LRRK2: variants seen among roughly 807,000 people sequenced by gnomAD.
LRRK2 encodes the protein leucine rich repeat kinase 2.
A neutral mutation model predicts 302.6 loss-of-function variants in LRRK2; 203 were observed. The ratio of observed to expected loss-of-function variants is 0.67; its 90% CI spans 0.60 to 0.75. LRRK2 has a LOEUF of 0.75. Among genes scored for constraint, LRRK2 ranks in the 30% least tolerant of loss-of-function variants. The pLI is 0.00. For missense variants in LRRK2, 2,830 were observed against 2,951.0 expected, an observed-to-expected ratio of 0.96 and a Z score of 0.95; for synonymous variants, 1,066 against 1,031.9, an observed-to-expected ratio of 1.03 and a Z score of -0.63.
At chr12:40,236,034 C>T in intron 4 of LRRK2, among the ~76,000 whole-genome samples, 1 of 152,058 alleles carries the variant, frequency 6.6e-6, no homozygotes, top group Non-Finnish European at 1.5e-5. Context: ...CCCCAAATCT[C>T]TGTTGGTAGT....
chr12:40,333,271 C>T (rs1945770005), intron 39 of LRRK2, among the ~76,000 whole-genome samples: 2 of 152,152 alleles, frequency 1.3e-5, no homozygotes, highest in African/African-American at 2.4e-5. Context: ...AAAATCCCCT[C>T]TCAGGGTGTT....
intron 4 of LRRK2, among the ~76,000 whole-genome samples, chr12:40,236,974 A>T (rs1164464245): frequency 4.6e-5 from 7 of 152,270 alleles, no homozygotes; most frequent in East Asian, 3.9e-4. Flanking sequence ...ATACAGTACT[A>T]CTACTCCTAT....
At chr12:40,270,886 A>C (rs1337912292) in intron 14 of LRRK2, among the ~76,000 whole-genome samples, 1 of 152,092 alleles carries the variant, frequency 6.6e-6, no homozygotes, top group Non-Finnish European at 1.5e-5. Context: ...GGCATGAAAA[A>C]AAGCCTGTGG....
intron 2 of LRRK2, 29 bp downstream of exon 2, chr12:40,225,669 T>G (rs200042985): frequency 6.4e-7 from 1 of 1,568,024 alleles, no homozygotes; most frequent in Non-Finnish European, 8.8e-7. Context: ...CTTCAACTCA[T>G]TCTCCCTTCT....
intron 41 of LRRK2, among the ~76,000 whole-genome samples, chr12:40,345,582 C>T (rs958896554): frequency 1.4e-5 from 2 of 145,518 alleles, no homozygotes; most frequent in African/African-American, 2.6e-5. Flanking sequence ...AAGATCACAC[C>T]CCTGCACTCC....
At chr12:40,229,630 C>T (rs1369610750) in intron 2 of LRRK2, among the ~76,000 whole-genome samples, 1 of 152,174 alleles carries the variant, frequency 6.6e-6, no homozygotes, top group East Asian at 1.9e-4. Context: ...TCCTGTTGTG[C>T]ATTAATTACA....
chr12:40,367,174 T>C, intron 50 of LRRK2, 97 bp downstream of exon 50: 1 of 1,023,062 alleles, frequency 9.8e-7, no homozygotes, highest in Non-Finnish European at 1.5e-6. Context: ...ATATTACATA[T>C]GGTATAATCA....
In LRRK2 at chr12:40,296,658, G is replaced by A. The variant is rs115670296; in HGVS notation, c.3096+1014G>A. Among the ~76,000 whole-genome samples, 827 of 151,964 alleles carry A rather than the reference G, an allele frequency of 5.4e-3. 12 individuals are homozygous for A. The highest frequency in any genetic ancestry group is 0.019 in the African/African-American group (787 of 41,452). On this transcript the variant is annotated intron_variant, in intron 23 of 50. Transcript: ENST00000298910. ...AAAAAAAAAAAGTCTTGTTGCAAAT[G>A]CATTTCCCCCTTTTTAAGCCTAAAA...
At chr12:40,335,831 G>A (rs1303048791) in intron 40 of LRRK2, among the ~76,000 whole-genome samples, 1 of 152,082 alleles carries the variant, frequency 6.6e-6, no homozygotes, top group African/African-American at 2.4e-5. Context: ...CTCTGCCATT[G>A]CTCCCCAACC....
chr12:40,292,769 T>C (rs1179377619), intron 20 of LRRK2, among the ~76,000 whole-genome samples: 5 of 151,948 alleles, frequency 3.3e-5, no homozygotes, highest in African/African-American at 1.2e-4. Context: ...TTTAAAATCA[T>C]AATTAATTTT....
intron 28 of LRRK2, among the ~76,000 whole-genome samples, chr12:40,307,749 T>C (rs2136807769): frequency 6.6e-6 from 1 of 151,150 alleles, no homozygotes; most frequent in African/African-American, 2.4e-5. Context: ...TTGAACTTTA[T>C]AATTTATAGG....
intron 31 of LRRK2, 31 bp from the exon 32 acceptor site, chr12:40,313,940 AT>A (rs1945118074): frequency 1.3e-6 from 2 of 1,595,438 alleles, no homozygotes; most frequent in Non-Finnish European, 1.7e-6. Context: ...AATAAAATAG[AT>A]TTTTACGGCT....
In LRRK2 at chr12:40,305,129, ATTTG is replaced by A. The variant is rs1170086248; in HGVS notation, c.3778-650_3778-647del. 2.6e-5 allele frequency among the ~76,000 whole-genome samples: 4 copies of A among 152,168 alleles called. No homozygotes were observed. The South Asian group carries it at 6.2e-4, about 24-fold the overall frequency. On this transcript the variant is annotated intron_variant, in intron 27 of 50. Coordinates refer to ENST00000298910, the MANE Select transcript of LRRK2 (RefSeq NM_198578.4). ...CTCTGTTGTAAATCTGAAATTGATA[ATTTG>A]TTTGTCTCAGAAAATATTATTTTTC...
At chr12:40,348,144 G>A (rs1339734353) in intron 42 of LRRK2, among the ~76,000 whole-genome samples, 1 of 152,074 alleles carries the variant, frequency 6.6e-6, no homozygotes, top group Non-Finnish European at 1.5e-5. Flanking sequence ...TTGAAATGCA[G>A]GTACAGAATG....
At chr12:40,287,572 T>TA in intron 20 of LRRK2, 33 bp downstream of exon 20, 1 of 1,598,460 alleles carries the variant, frequency 6.3e-7, no homozygotes, top group Non-Finnish European at 8.6e-7. Context: ...CTTTATGCTT[T>TA]ATATTTACAC....
chr12:40,319,615 A>G (rs1171232381), intron 33 of LRRK2, among the ~76,000 whole-genome samples: 1 of 152,068 alleles, frequency 6.6e-6, no homozygotes, highest in African/African-American at 2.4e-5. Flanking sequence ...TCAAACCTGT[A>G]TTGATAACTG....
chr12:40,295,671 T>C (rs2136721531), intron 23 of LRRK2, 27 bp downstream of exon 23: 4 of 1,596,436 alleles, frequency 2.5e-6, no homozygotes, highest in Middle Eastern at 3.3e-4. Flanking sequence ...CTTGTAACTT[T>C]CAAGACATTT....
chr12:40,226,452 G>A, intron 2 of LRRK2, among the ~76,000 whole-genome samples: 1 of 152,140 alleles, frequency 6.6e-6, no homozygotes, highest in East Asian at 1.9e-4. Flanking sequence ...CTCCTTGGAG[G>A]TGCAGTCAGA....
chr12:40,287,429 G>A lies in LRRK2; in HGVS notation c.2579G>A (p.Ser860Asn), dbSNP rs747546304. 11 of 1,612,648 alleles carry A rather than the reference G, an allele frequency of 6.8e-6. No homozygotes were observed. Among genetic ancestry groups the A allele is most frequent in the East Asian group, 2.2e-5 (1 of 44,860 alleles). ...GTGGAAGAAGGAACAGCCTCAGGCA[G>A]CGATGGAAATTTTTCTGAAGATGTG... is the stretch of plus-strand genomic sequence containing the variant. The part of the protein sequence containing the change: ...SAVEEGTASG[S>N]DGNFSEDVLS... Residue 860 changes from serine to asparagine, a missense_variant, in exon 20 of 51, where the codon AGC (serine) becomes AAC (asparagine). By Grantham distance (46) the Ser-to-Asn change is conservative (BLOSUM62 1). This residue lies in a region of LRRK2 where 2,121 missense variants were observed against 2,148.0 expected (regional missense o/e 0.99). Coordinates refer to ENST00000298910, the MANE Select transcript of LRRK2 (RefSeq NM_198578.4).
Sources: allele counts gnomAD v4.1 joint callset (sites outside exome capture counted in the v4.1 genomes callset), GRCh38; gene constraint gnomAD v4.1.1; regional missense constraint gnomAD v4.1.1; transcripts MANE v1.5; gene names NCBI Gene and HGNC (gene_info 2026-07-23, HGNC 2026-07-21).